The following TRAF3IP1 variants were observed in gnomAD, a reference collection of about 807,000 sequenced individuals.
The protein encoded by TRAF3IP1 is TRAF3-interacting protein 1.
A neutral mutation model predicts 89.9 loss-of-function variants in TRAF3IP1; 53 were observed. The observed-to-expected ratio is 0.59, with a 90% confidence interval of 0.47 to 0.74. The LOEUF is 0.74. TRAF3IP1 is among the 30% of genes least tolerant of loss of function. The pLI is 0.00. For synonymous variants in TRAF3IP1, 311 were observed against 322.1 expected (o/e 0.97, Z 0.37); for missense variants, 806 against 866.1 (o/e 0.93, Z 0.87).
chr2:238,392,424 A>C (rs980994069), intron 15 of TRAF3IP1, among the ~76,000 whole-genome samples: 1 of 152,052 alleles, frequency 6.6e-6, no homozygotes, highest in African/African-American at 2.4e-5. Context: ...ACCCCCAGCT[A>C]CCACCATCAG....
intron 15 of TRAF3IP1, among the ~76,000 whole-genome samples, chr2:238,394,097 G>A (rs557525057): frequency 2.6e-5 from 4 of 152,230 alleles, no homozygotes; most frequent in Non-Finnish European, 4.4e-5. Context: ...TTGGGAGGCC[G>A]AGGCAGGAGA....
chr2:238,346,803 C>T (rs1172063167), intron 9 of TRAF3IP1, among the ~76,000 whole-genome samples: 4 of 152,224 alleles, frequency 2.6e-5, no homozygotes, highest in Non-Finnish European at 5.9e-5. Flanking sequence ...GTTCGTGCAT[C>T]TTAAGAGTGT....
chr2:238,338,388 A>G lies in TRAF3IP1; in HGVS notation c.1090A>G (p.Lys364Glu), dbSNP rs142329442. 123 of 1,592,788 alleles carry G rather than the reference A, an allele frequency of 7.7e-5. No individual in the cohort carries two copies. The African/African-American group carries it at 8.9e-4, about 12-fold the overall frequency. ...EGRKEDNISA[K>E]SLDSIVSGIN... ...AAGGAAGGAGGATAATATTTCAGCTAAAAGTTTAGACTCCATAGTGTCTGG... is the reference window on the plus strand; with the variant it reads ...AAGGAAGGAGGATAATATTTCAGCTGAAAGTTTAGACTCCATAGTGTCTGG... The change falls in exon 8 of 17, where the codon AAA becomes GAA. Residue 364 changes from lysine (K) to glutamate (E), a missense_variant. Transcript: ENST00000373327.
chr2:238,344,673 G>A (rs1361388925), intron 9 of TRAF3IP1, 75 bp downstream of exon 9: 9 of 1,264,010 alleles, frequency 7.1e-6, no homozygotes, highest in Admixed American at 1.7e-5. Flanking sequence ...TCAAAGGGCC[G>A]CAGCCCAGAG....
At chr2:238,391,821 T>C (rs1359850019) in intron 15 of TRAF3IP1, among the ~76,000 whole-genome samples, 2 of 152,204 alleles carry the variant, frequency 1.3e-5, no homozygotes, top group Non-Finnish European at 2.9e-5. Context: ...ATATTAGAGT[T>C]AACACGATGC....
At chr2:238,396,041 A>G (rs976529170) in intron 15 of TRAF3IP1, among the ~76,000 whole-genome samples, 2 of 152,212 alleles carry the variant, frequency 1.3e-5, no homozygotes, top group Non-Finnish European at 2.9e-5. Context: ...ATATACCCAA[A>G]GGATTATAAA....
chr2:238,382,689 AG>A (rs1172650506), intron 15 of TRAF3IP1, among the ~76,000 whole-genome samples: 1 of 152,064 alleles, frequency 6.6e-6, no homozygotes, highest in Non-Finnish European at 1.5e-5. Flanking sequence ...CCTCCCAGAC[AG>A]ACCTCCTTTG....
chr2:238,325,917 C>A lies in TRAF3IP1; in HGVS notation c.301C>A (p.Pro101Thr). 1 of 1,614,074 alleles carries A rather than the reference C, an allele frequency of 6.2e-7. No homozygotes were observed. Among genetic ancestry groups the A allele is most frequent in the East Asian group, 2.2e-5 (1 of 44,878 alleles). The change falls in exon 3 of 17, where the codon CCT (proline) becomes ACT (threonine). Residue 101 changes from proline to threonine, a missense_variant. Physicochemically the swap from Pro to Thr is conservative, Grantham distance 38. Transcript: ENST00000373327. ...KPARIVAGHE[P>T]ERTNELLQII... ...AGCCCGAATCGTGGCGGGGCATGAG[C>A]CTGAAAGAACAAACGAGCTGCTCCA...
At position 238,371,635 on chromosome 2, in the gene TRAF3IP1, C is replaced by T. The variant is rs954136135; in HGVS notation, c.1689+15555C>T. ...ATGACCAGCGCAGTGGCCACTCGCC[C>T]ATGTGGTGGGGGTATTAGAAAACTG... On this transcript the variant is annotated intron_variant, in intron 15 of 16. Coordinates refer to ENST00000373327, the MANE Select transcript of TRAF3IP1 (RefSeq NM_015650.4). 2.6e-5 allele frequency among the ~76,000 whole-genome samples: 4 copies of T among 152,318 alleles called. No homozygotes were observed. The East Asian group carries it at 7.7e-4, about 29-fold the overall frequency.
At position 238,320,547 on chromosome 2, in the gene TRAF3IP1, G is replaced by T. The variant is rs1697463773; in HGVS notation, c.-116G>T. 2 of 1,026,990 alleles carry T rather than the reference G, an allele frequency of 1.9e-6. No homozygotes were observed. Among genetic ancestry groups the T allele is most frequent in the Middle Eastern group, 4.7e-4 (1 of 2,134 alleles). The allele number at this position is 1,026,990 out of a possible 1,614,324, so 63.6% of individuals were successfully genotyped here. A position where few individuals can be genotyped will look rare whatever the true frequency, so the allele number is the denominator to read the frequency against. Reference sequence around the variant, plus strand: ...TGTGGGATGGAAACCGGAGCGGCGCGTCCTGGCAGGACCGGGCGGCGGCGG... The same window carrying T: ...TGTGGGATGGAAACCGGAGCGGCGCTTCCTGGCAGGACCGGGCGGCGGCGG... On this transcript the variant is annotated 5_prime_UTR_variant, in exon 1 of 17. Transcript: ENST00000373327.
intron 15 of TRAF3IP1, among the ~76,000 whole-genome samples, chr2:238,359,869 G>T (rs1326965092): frequency 1.3e-5 from 2 of 152,134 alleles, no homozygotes; most frequent in Non-Finnish European, 2.9e-5. Context: ...TTTACTTTAT[G>T]AATTAGGTTC....
At chr2:238,347,396 A>AT (rs1175667132) in intron 9 of TRAF3IP1, 59 bp from the exon 10 acceptor site, 6 of 1,582,372 alleles carry the variant, frequency 3.8e-6, no homozygotes, top group Non-Finnish European at 5.2e-6. Context: ...TGTTCTCATC[A>AT]TTTAATGTAT....
chr2:238,365,735 G>C (rs1699848001), intron 15 of TRAF3IP1, among the ~76,000 whole-genome samples: 1 of 151,970 alleles, frequency 6.6e-6, no homozygotes, highest in African/African-American at 2.4e-5. Context: ...GACTTTAATA[G>C]TTAAATTGGG....
intron 15 of TRAF3IP1, among the ~76,000 whole-genome samples, chr2:238,367,102 T>G (rs1699909619): frequency 7.9e-6 from 1 of 126,886 alleles, no homozygotes; most frequent in Admixed American, 1.1e-4. Flanking sequence ...AGGCAGAAGT[T>G]GCAGTGAGCC....
At chr2:238,321,020 CGGGTCGGGGGCCGGGGTCAGTTCCG>C (rs1697508129) in intron 1 of TRAF3IP1, among the ~76,000 whole-genome samples, 1 of 151,392 alleles carries the variant, frequency 6.6e-6, no homozygotes, top group Non-Finnish European at 1.5e-5. Context: ...GCACAGGGTG[CGGGTCGGGGGCCGGGGTCAGTTCCG>C]GGGTCGGGGC....
chr2:238,373,268 C>T (rs1185343068), intron 15 of TRAF3IP1, among the ~76,000 whole-genome samples: 1 of 152,148 alleles, frequency 6.6e-6, no homozygotes, highest in Non-Finnish European at 1.5e-5. Context: ...GGTGTTAGGT[C>T]TAACATTTAA....
chr2:238,346,764 C>T (rs574395037), intron 9 of TRAF3IP1, among the ~76,000 whole-genome samples: 10 of 152,336 alleles, frequency 6.6e-5, no homozygotes, highest in African/African-American at 2.4e-4. Context: ...TCATGTGAAT[C>T]CATGCGCTTT....
chr2:238,333,042 A>G, intron 6 of TRAF3IP1, 147 bp downstream of exon 6: 5 of 627,220 alleles, frequency 8.0e-6, no homozygotes, highest in Middle Eastern at 2.6e-4. Context: ...TTTGGTTGTA[A>G]AAGTAATCAG....
rs370142008 is a variant in TRAF3IP1 at position 238,370,293 on chromosome 2, ATGTG to A, written c.1689+14217_1689+14220del. On this transcript the variant is annotated intron_variant, in intron 15 of 16. Transcript: ENST00000373327. ...TGTGAATGTCTGTGTCTGTGTGTGC[ATGTG>A]TGTATGTTTATGTCTGTATTGTGCA... is the stretch of plus-strand genomic sequence containing the variant. Among the ~76,000 whole-genome samples, 915 of 151,746 alleles carry A rather than the reference ATGTG, an allele frequency of 6.0e-3. 3 individuals carry two copies. The highest frequency in any genetic ancestry group is 0.021 in the African/African-American group (879 of 41,334).
Sources: allele counts gnomAD v4.1 joint callset (sites outside exome capture counted in the v4.1 genomes callset), GRCh38; gene constraint gnomAD v4.1.1; transcripts MANE v1.5; gene names NCBI Gene and HGNC (gene_info 2026-07-23, HGNC 2026-07-21).